The following EMC8 variants were observed in gnomAD, a reference collection of about 807,000 sequenced individuals.
EMC8 encodes the protein COX4 neighbor.
Under a neutral mutation model 24.3 loss-of-function variants are expected in EMC8, and 11 were observed. The observed-to-expected ratio is 0.45, with a 90% CI of 0.28 to 0.75. The LOEUF (loss-of-function observed/expected upper bound fraction) is 0.75. Ranked by LOEUF, EMC8 falls within the 30% of genes least tolerant of loss-of-function variation. EMC8 has a pLI of 0.12. For synonymous variants in EMC8, 145 were observed against 117.7 expected (o/e 1.23, Z -1.50); for missense variants, 277 against 282.7 (o/e 0.98, Z 0.14).
chr16:85,791,001 A>G (rs999445514), intron 1 of EMC8, among the ~76,000 whole-genome samples: 2 of 152,014 alleles, frequency 1.3e-5, no homozygotes, highest in African/African-American at 4.8e-5. Context: ...TAATTTTTAA[A>G]TTTTTTGTAG....
At chr16:85,780,680 T>A in intron 3 of EMC8, 1 of 581,694 alleles carries the variant, frequency 1.7e-6, no homozygotes, top group Non-Finnish European at 3.1e-6. Context: ...CTTCATTGTT[T>A]TTTCACAAAA....
chr16:85,786,577 G>T (rs1284447359), intron 2 of EMC8, among the ~76,000 whole-genome samples: 2 of 152,170 alleles, frequency 1.3e-5, no homozygotes, highest in Non-Finnish European at 2.9e-5. Flanking sequence ...GGGGGAGGTG[G>T]ATTCCCTATT....
intron 1 of EMC8, among the ~76,000 whole-genome samples, chr16:85,797,217 G>A (rs1567835574): frequency 1.3e-5 from 2 of 152,174 alleles, no homozygotes; most frequent in Non-Finnish European, 2.9e-5. Flanking sequence ...AGACCAGCCT[G>A]GTCAACACAG....
At chr16:85,788,496 T>A (rs908048390) in intron 2 of EMC8, among the ~76,000 whole-genome samples, 1 of 152,234 alleles carries the variant, frequency 6.6e-6, no homozygotes, top group Non-Finnish European at 1.5e-5. Flanking sequence ...AGAGCCCCAG[T>A]TGGGGAAGGA....
chr16:85,783,288 G>C (rs533747166), intron 2 of EMC8, among the ~76,000 whole-genome samples: 2 of 74,178 alleles, frequency 2.7e-5, no homozygotes, highest in African/African-American at 1.1e-4. Flanking sequence ...GGGCAACAGT[G>C]AGACTCCACG....
At chr16:85,781,166 G>T in intron 3 of EMC8, 45 bp downstream of exon 3, 1 of 1,407,344 alleles carries the variant, frequency 7.1e-7, no homozygotes, top group Non-Finnish European at 1.0e-6. Flanking sequence ...AGGTTGGTGA[G>T]AGGAGGCGCA....
rs753340379 is a variant in EMC8 at position 85,788,956 on chromosome 16, G to A, written c.308+18C>T. 3.1e-6 allele frequency: 5 copies of A among 1,587,864 alleles called. No individual in the cohort carries two copies. Among genetic ancestry groups the A allele is most frequent in the Non-Finnish European group, 4.3e-6 (5 of 1,156,086 alleles). Reference sequence around the variant, plus strand: ...CGTGCTCACTTCCTCGCCCACAGAGGGTTCTGCATCCACGTACCTGGCATC... The same window carrying A: ...CGTGCTCACTTCCTCGCCCACAGAGAGTTCTGCATCCACGTACCTGGCATC... On this transcript the variant is annotated intron_variant, in intron 2 of 4. Coordinates refer to ENST00000253457, the MANE Select transcript of EMC8 (RefSeq NM_006067.5).
intron 1 of EMC8, among the ~76,000 whole-genome samples, chr16:85,796,360 C>A (rs2152077385): frequency 6.6e-6 from 1 of 152,252 alleles, no homozygotes; most frequent in Non-Finnish European, 1.5e-5. Flanking sequence ...TGTGGATTCT[C>A]CCACCTGCTC....
intron 2 of EMC8, 86 bp downstream of exon 2, chr16:85,788,888 G>A (rs983416764): frequency 9.2e-6 from 8 of 867,894 alleles, no homozygotes; most frequent in African/African-American, 5.4e-5. Context: ...CACAGGTTTC[G>A]TATCTGGCCG....
At chr16:85,795,991 G>T (rs1363697641) in intron 1 of EMC8, among the ~76,000 whole-genome samples, 1 of 152,174 alleles carries the variant, frequency 6.6e-6, no homozygotes, top group Non-Finnish European at 1.5e-5. Context: ...ACTGTTGGCG[G>T]TGAGAGCAGA....
rs1904434618 is a variant in EMC8 at position 85,780,414 on chromosome 16, G to C, written c.438C>G (p.His146Gln). ...CTCTGCACCGCCATCTGTTCTCATG[G>C]TGCTCGTACACGTGGATCGTAGGCG... ...CVAPTIHVYE[H>Q]HENRWRCRDP... The change falls in exon 4 of 5, where the codon CAC becomes CAG. Residue 146 changes from histidine (H) to glutamine (Q), a missense_variant. By Grantham distance (24) the His-to-Gln change is conservative. Coordinates refer to ENST00000253457, the MANE Select transcript of EMC8 (RefSeq NM_006067.5). 2 of 1,614,110 alleles carry C rather than the reference G, an allele frequency of 1.2e-6. No homozygotes were observed. The highest frequency in any genetic ancestry group is 8.5e-7 in the Non-Finnish European group (1 of 1,180,030).
At chr16:85,780,776 C>G (rs1904455361) in intron 3 of EMC8, 2 of 489,116 alleles carry the variant, frequency 4.1e-6, no homozygotes, top group Admixed American at 3.4e-5. Context: ...ATGTCATCTG[C>G]TCACATACAA....
At chr16:85,781,173 C>T (rs375452419) in intron 3 of EMC8, 38 bp downstream of exon 3, 64 of 1,527,328 alleles carry the variant, frequency 4.2e-5, no homozygotes, top group Non-Finnish European at 4.8e-5. Flanking sequence ...TGAGAGGAGG[C>T]GCAAGGGCCT....
chr16:85,797,939 C>T (rs901526767), intron 1 of EMC8, among the ~76,000 whole-genome samples: 4 of 152,068 alleles, frequency 2.6e-5, no homozygotes, highest in African/African-American at 9.7e-5. Context: ...GTCTTTTTCC[C>T]TTCATTGATC....
intron 1 of EMC8, among the ~76,000 whole-genome samples, chr16:85,791,212 T>A (rs1056672523): frequency 6.6e-6 from 1 of 152,236 alleles, no homozygotes; most frequent in African/African-American, 2.4e-5. Context: ...TTTCTTAGAA[T>A]TTTTAATGCA....
At chr16:85,797,452 C>T (rs1182518151) in intron 1 of EMC8, among the ~76,000 whole-genome samples, 1 of 152,186 alleles carries the variant, frequency 6.6e-6, no homozygotes, top group Admixed American at 6.5e-5. Flanking sequence ...TTAAAACACA[C>T]ACACACACTC....
At chr16:85,798,158 G>A (rs1028682859) in intron 1 of EMC8, among the ~76,000 whole-genome samples, 1 of 113,482 alleles carries the variant, frequency 8.8e-6, no homozygotes, top group Non-Finnish European at 1.6e-5. Flanking sequence ...GTCTTGCTCT[G>A]TCACCCAGGC....
At chr16:85,791,038 G>A (rs1014774759) in intron 1 of EMC8, among the ~76,000 whole-genome samples, 9 of 151,996 alleles carry the variant, frequency 5.9e-5, no homozygotes, top group Non-Finnish European at 1.2e-4. Flanking sequence ...ATGTTGCCCA[G>A]GCTGATCTTG....
chr16:85,784,007 TTC>T (rs1904634047), intron 2 of EMC8, among the ~76,000 whole-genome samples: 1 of 152,140 alleles, frequency 6.6e-6, no homozygotes, highest in African/African-American at 2.4e-5. Flanking sequence ...TTCTTTTTTT[TTC>T]TTTTTTTGAG....
Sources: allele counts gnomAD v4.1 joint callset (sites outside exome capture counted in the v4.1 genomes callset), GRCh38; gene constraint gnomAD v4.1.1; transcripts MANE v1.5; gene names NCBI Gene and HGNC (gene_info 2026-07-23, HGNC 2026-07-21).